DMD: variants seen among roughly 807,000 people sequenced by gnomAD.
The protein encoded by DMD is dystrophin, also known as mutant dystrophin.
Under a neutral mutation model 330.1 loss-of-function variants are expected in DMD, and 63 were observed. That is an observed-to-expected ratio of 0.19 (90% CI 0.16 to 0.24). The LOEUF (loss-of-function observed/expected upper bound fraction) is 0.24, where lower values mean the gene tolerates loss of function less well. Among genes scored for constraint, DMD ranks in the 10% least tolerant of loss-of-function variants. The pLI is 1.00. For missense variants in DMD, 3,344 were observed against 2,684.1 expected (o/e 1.25, Z -5.43); for synonymous variants, 1,223 against 959.8 (o/e 1.27, Z -5.07).
intron 59 of DMD, among the ~76,000 whole-genome samples, chrX:31,456,872 GTGTGTATA>G (rs1213429702): frequency 2.7e-3 from 265 of 98,097 alleles, no homozygotes; most frequent in African/African-American, 0.011. Context: ...GTGTGTGTGT[GTGTGTATA>G]TATATATATA....
chrX:32,505,177 T>A (rs2044493787), intron 18 of DMD, among the ~76,000 whole-genome samples: 1 of 111,634 alleles, frequency 9.0e-6, no homozygotes, highest in Non-Finnish European at 1.9e-5. Context: ...AGTTGAATAG[T>A]ACTAAGTTAA....
intron 1 of DMD, among the ~76,000 whole-genome samples, chrX:33,314,220 C>T (rs2053893278): frequency 9.1e-6 from 1 of 110,319 alleles, no homozygotes; most frequent in Non-Finnish European, 1.9e-5. Context: ...TAATAAATTA[C>T]CATGAACTTA....
chrX:31,418,067 GAGT>G (rs1325640749), intron 60 of DMD, among the ~76,000 whole-genome samples: 1 of 110,291 alleles, frequency 9.1e-6, no homozygotes, highest in Non-Finnish European at 1.9e-5. Flanking sequence ...CTTATAAATG[GAGT>G]AGATTTTCTG....
At chrX:31,826,114 T>C (rs1005141518) in intron 49 of DMD, among the ~76,000 whole-genome samples, 3 of 112,350 alleles carry the variant, frequency 2.7e-5, no homozygotes, top group African/African-American at 9.7e-5. Flanking sequence ...AACATGTTTG[T>C]ACATGCAATT....
intron 2 of DMD, among the ~76,000 whole-genome samples, chrX:32,985,922 A>G (rs1006763699): frequency 4.5e-5 from 5 of 112,065 alleles, no homozygotes; most frequent in African/African-American, 1.3e-4. Flanking sequence ...GGGTTGCTAG[A>G]AACATAGAAA....
At chrX:32,347,987 T>G (rs756986571) in intron 38 of DMD, among the ~76,000 whole-genome samples, 1 of 112,094 alleles carries the variant, frequency 8.9e-6, no homozygotes, top group East Asian at 2.8e-4. Context: ...TAATAAATAA[T>G]GTTCATATTA....
chrX:31,933,107 G>A (rs2094879794), intron 45 of DMD, among the ~76,000 whole-genome samples: 2 of 111,977 alleles, frequency 1.8e-5, no homozygotes, highest in Non-Finnish European at 3.8e-5. Flanking sequence ...AAAGTTACAA[G>A]TTTTAAAATG....
intron 44 of DMD, among the ~76,000 whole-genome samples, chrX:32,196,511 T>G: frequency 8.9e-6 from 1 of 112,446 alleles, no homozygotes; most frequent in Middle Eastern, 4.6e-3. Flanking sequence ...TACTGAATAT[T>G]TAGTTTGCTT....
chrX:31,193,494 A>G (rs2042586228), intron 67 of DMD, among the ~76,000 whole-genome samples: 1 of 112,202 alleles, frequency 8.9e-6, no homozygotes. Context: ...TGCAGAAAGT[A>G]TGGTAGAATT....
intron 44 of DMD, among the ~76,000 whole-genome samples, chrX:32,148,494 C>G (rs185324674): frequency 8.1e-5 from 9 of 110,835 alleles, no homozygotes; most frequent in Admixed American, 5.8e-4. Context: ...AAATATAAGA[C>G]TCTACATATC....
intron 7 of DMD, among the ~76,000 whole-genome samples, chrX:32,726,800 T>G (rs2147974807): frequency 9.0e-6 from 1 of 110,832 alleles, no homozygotes; most frequent in African/African-American, 3.3e-5. Context: ...CTGAATTAAT[T>G]ATCACATATT....
chrX:31,327,550 C>G (rs1425470536), intron 61 of DMD, among the ~76,000 whole-genome samples: 1 of 112,189 alleles, frequency 8.9e-6, no homozygotes, highest in Non-Finnish European at 1.9e-5. Flanking sequence ...CAAAAGAGCA[C>G]TTTCTGGAAT....
chrX:32,181,775 AT>A lies in DMD; in HGVS notation c.6438+35140del, dbSNP rs1164987846. ...AAGGAAATTCCTAAAAATATAGTAT[AT>A]TTTCCATGTGAAAACATATTTCCAG... On this transcript the variant is annotated intron_variant, in intron 44 of 78. Coordinates refer to ENST00000357033, the MANE Select transcript of DMD (RefSeq NM_004006.3). 2.7e-5 allele frequency among the ~76,000 whole-genome samples: 3 copies of A among 111,312 alleles called. No homozygotes were observed. In the East Asian group the frequency reaches 8.5e-4, roughly 31 times the overall value.
intron 2 of DMD, among the ~76,000 whole-genome samples, chrX:32,942,569 G>A (rs2090504098): frequency 9.0e-6 from 1 of 110,927 alleles, no homozygotes; most frequent in African/African-American, 3.3e-5. Flanking sequence ...AAAAAAAAGA[G>A]AATCCATTTT....
Position 32,452,392 on chromosome X carries a change from AGGGAAGGGAAAGGAAAGGGAAAGGGAAAG to A in DMD, c.3603+2241_3603+2269del, listed in dbSNP as rs550706144. 2.8e-4 allele frequency among the ~76,000 whole-genome samples: 5 copies of A among 17,847 alleles called. 2 individuals carry two copies. In the East Asian group the frequency reaches 0.015, roughly 54 times the overall value. The allele number at this position is 17,847 out of a possible 115,157, so 15.5% of individuals were successfully genotyped here. On this transcript the variant is annotated intron_variant, in intron 26 of 78. Transcript: ENST00000357033. ...AAGGGAAAGGGAAAGGGAAAGGGAA[AGGGAAGGGAAAGGAAAGGGAAAGGGAAAG>A]GGAAAGGGAAAGGGAAAGGGAAAGG...
chrX:32,546,450 C>T (rs1405279921), intron 16 of DMD, among the ~76,000 whole-genome samples: 1 of 110,224 alleles, frequency 9.1e-6, no homozygotes, highest in African/African-American at 3.3e-5. Flanking sequence ...TAGTAATCTC[C>T]CTGCCTCATA....
chrX:33,311,285 A>G (rs1445337507), intron 1 of DMD, among the ~76,000 whole-genome samples: 1 of 109,897 alleles, frequency 9.1e-6, no homozygotes, highest in Non-Finnish European at 1.9e-5. Context: ...TATTGCATAT[A>G]CATACTTTAA....
intron 17 of DMD, among the ~76,000 whole-genome samples, chrX:32,533,206 TTC>T (rs2047641985): frequency 9.0e-6 from 1 of 111,232 alleles, no homozygotes; most frequent in African/African-American, 3.3e-5. Flanking sequence ...CATATCATAT[TTC>T]TCTCTCTCAA....
intron 21 of DMD, among the ~76,000 whole-genome samples, chrX:32,482,065 A>G (rs2041955402): frequency 8.9e-6 from 1 of 111,964 alleles, no homozygotes; most frequent in Non-Finnish European, 1.9e-5. Context: ...CAAACCAATA[A>G]AATCCCTAAT....
Sources: allele counts gnomAD v4.1 joint callset (sites outside exome capture counted in the v4.1 genomes callset), GRCh38; gene constraint gnomAD v4.1.1; transcripts MANE v1.5; gene names NCBI Gene and HGNC (gene_info 2026-07-23, HGNC 2026-07-21).